The following LOXHD1 variants were observed in gnomAD, a reference collection of about 807,000 sequenced individuals.
The protein encoded by LOXHD1 is lipoxygenase homology domain-containing protein 1.
A neutral mutation model predicts 248.2 loss-of-function variants in LOXHD1; 205 were observed. The observed-to-expected ratio is 0.83, with a 90% confidence interval of 0.74 to 0.93. The LOEUF (loss-of-function observed/expected upper bound fraction) is 0.93. LOXHD1 is among the 40% of genes least tolerant of loss of function. LOXHD1 has a pLI of 0.00. For synonymous variants in LOXHD1, 1,113 were observed against 1,162.8 expected (o/e 0.96, Z 0.87); for missense variants, 2,930 against 2,971.6 (o/e 0.99, Z 0.33).
rs1196527877 is a variant in LOXHD1, at chr18:46,547,039, G to A, written c.3370C>T (p.Arg1124Cys). Reference sequence around the variant, plus strand: ...TCATCTTCCTCCACTGCCAGCCAACGTTGGCATGGAAAGTAGTACCTGTGG... The same window carrying A: ...TCATCTTCCTCCACTGCCAGCCAACATTGGCATGGAAAGTAGTACCTGTGG... Reference protein sequence around the residue: ...NEITYYFPCQRWLAVEEDDGQ... With the variant: ...NEITYYFPCQCWLAVEEDDGQ... Residue 1124 changes from arginine to cysteine, a missense_variant, in exon 22 of 41, where the codon CGT (arginine) becomes TGT (cysteine). Arg to Cys is a radical substitution (Grantham distance 180). Coordinates refer to ENST00000642948, the MANE Select transcript of LOXHD1 (RefSeq NM_001384474.1). 2.0e-5 allele frequency: 31 copies of A among 1,551,626 alleles called. No homozygotes were observed. Among genetic ancestry groups the A allele is most frequent in the East Asian group, 1.2e-4 (5 of 40,926 alleles).
chr18:46,531,303 CCT>C (rs2036056334), intron 28 of LOXHD1, among the ~76,000 whole-genome samples: 1 of 152,178 alleles, frequency 6.6e-6, no homozygotes, highest in Admixed American at 6.5e-5. Context: ...TAAAGAAAAT[CCT>C]CTCTTTATTG....
intron 34 of LOXHD1, among the ~76,000 whole-genome samples, chr18:46,510,994 T>C (rs1371854175): frequency 6.6e-6 from 1 of 152,256 alleles, no homozygotes; most frequent in Non-Finnish European, 1.5e-5. Flanking sequence ...ATTTTGCAGA[T>C]CAAAAGAGCT....
chr18:46,625,349 TA>T (rs1400939667), intron 4 of LOXHD1, among the ~76,000 whole-genome samples: 2 of 152,118 alleles, frequency 1.3e-5, no homozygotes, highest in African/African-American at 4.8e-5. Context: ...ACTTGGTCCT[TA>T]AAAGTTGCTC....
chr18:46,560,048 T>TGGCGGCCCCC, intron 19 of LOXHD1, 35 bp downstream of exon 19: 5 of 1,226,296 alleles, frequency 4.1e-6, no homozygotes, highest in Non-Finnish European at 5.6e-6. Context: ...GTCTGGCCAC[T>TGGCGGCCCCC]CCCTCCCCAC....
chr18:46,578,985 C>T (rs1456911095), intron 13 of LOXHD1, among the ~76,000 whole-genome samples: 1 of 152,256 alleles, frequency 6.6e-6, no homozygotes, highest in East Asian at 1.9e-4. Context: ...CCAGAACACC[C>T]ATGTGATGGC....
intron 4 of LOXHD1, among the ~76,000 whole-genome samples, chr18:46,638,936 A>G (rs1028233478): frequency 6.6e-6 from 1 of 152,150 alleles, no homozygotes; most frequent in African/African-American, 2.4e-5. Flanking sequence ...CCATGACTCT[A>G]TGAGAGCAGG....
At position 46,541,934 on chromosome 18, in the gene LOXHD1, G is replaced by T; in HGVS notation, c.3755C>A (p.Ala1252Asp). Reference protein sequence around the residue: ...VRLGHDNTGKAPGWFVDWVEV... With the variant: ...VRLGHDNTGKDPGWFVDWVEV... ...TACCCAGTCTACAAACCAGCCTGGG[G>T]CCTTGCCTAGAGAGAGAGGAGACAC... Residue 1252 changes from alanine to aspartate, a missense_variant, in exon 25 of 41, where the codon GCC becomes GAC. Ala to Asp is a moderately radical substitution (Grantham distance 126, BLOSUM62 -2). Coordinates refer to ENST00000642948, the MANE Select transcript of LOXHD1 (RefSeq NM_001384474.1). 6.4e-7 allele frequency: 1 copy of T among 1,551,080 alleles called. No individual in the cohort carries two copies. Among genetic ancestry groups the T allele is most frequent in the South Asian group, 1.2e-5 (1 of 84,002 alleles).
chr18:46,605,418 G>C (rs12963349), intron 6 of LOXHD1, among the ~76,000 whole-genome samples: 1 of 75,252 alleles, frequency 1.3e-5, no homozygotes, highest in Non-Finnish European at 3.1e-5. Flanking sequence ...TCTCAGCTAC[G>C]CAGGAGAATG....
At chr18:46,570,492 G>A (rs1333897466) in intron 15 of LOXHD1, among the ~76,000 whole-genome samples, 1 of 152,224 alleles carries the variant, frequency 6.6e-6, no homozygotes, top group African/African-American at 2.4e-5. Context: ...CTAGGGACCA[G>A]CCCTGGAGAA....
At chr18:46,586,294 T>G (rs934409303) in intron 12 of LOXHD1, among the ~76,000 whole-genome samples, 3 of 152,136 alleles carry the variant, frequency 2.0e-5, no homozygotes, top group African/African-American at 4.8e-5. Flanking sequence ...GTTTTCTTTT[T>G]GGGGGAGATG....
intron 29 of LOXHD1, 55 bp from the exon 30 acceptor site, chr18:46,524,972 C>T: frequency 6.5e-7 from 1 of 1,537,178 alleles, no homozygotes; most frequent in African/African-American, 1.4e-5. Flanking sequence ...ACTCAACCCA[C>T]TCCAGCCCCA....
At chr18:46,574,180 A>T (rs1215156039) in intron 14 of LOXHD1, among the ~76,000 whole-genome samples, 3 of 152,108 alleles carry the variant, frequency 2.0e-5, no homozygotes, top group African/African-American at 7.2e-5. Context: ...GGCCCTCCCC[A>T]GCAGCAAAAG....
At position 46,560,176 on chromosome 18, in the gene LOXHD1, G is replaced by A; in HGVS notation, c.2968C>T (p.His990Tyr). The A allele has an allele frequency of 3.9e-6, 6 of 1,551,438 alleles. No homozygotes were observed. The highest frequency in any genetic ancestry group is 4.4e-6 in the Non-Finnish European group (5 of 1,146,954). Residue 990 changes from histidine (H) to tyrosine (Y), a missense_variant, in exon 19 of 41, where the codon CAC becomes TAC. Physicochemically the swap from His to Tyr is moderately conservative, Grantham distance 83. Transcript: ENST00000642948. ...AGCCAGCGGTGGGCTTCGAACTTGT[G>A]CTGCTCAATCACCTCCTGCATCCCC... ...GPGMQEVIEQ[H>Y]KFEAHRWLAR... is the part of the protein sequence containing the mutation.
Position 46,529,190 on chromosome 18 carries a change from A to C in LOXHD1, c.4517T>G (p.Phe1506Cys), listed in dbSNP as rs2035953969. The C allele has an allele frequency of 6.4e-7, 1 of 1,551,212 alleles. No individual in the cohort carries two copies. Among genetic ancestry groups the C allele is most frequent in the South Asian group, 1.2e-5 (1 of 84,028 alleles). ...TGCCCCTCATACCGTTCCTCTCTCGAACTTGTTGGTCCGGTTCTCTGACTT... is the reference window on the plus strand; with the variant it reads ...TGCCCCTCATACCGTTCCTCTCTCGCACTTGTTGGTCCGGTTCTCTGACTT... ...LGKSENRTNK[F>C]ERGTADTFII... Residue 1506 changes from phenylalanine to cysteine, a missense_variant, in exon 29 of 41, where the codon TTC becomes TGC. Physicochemically the swap from Phe to Cys is radical, Grantham distance 205. Transcript: ENST00000642948.
chr18:46,559,472 C>A lies in LOXHD1; in HGVS notation c.3192G>T (p.Lys1064Asn). 1.9e-6 allele frequency: 3 copies of A among 1,552,088 alleles called. No homozygotes were observed. Among genetic ancestry groups the A allele is most frequent in the Non-Finnish European group, 2.6e-6 (3 of 1,147,072 alleles). Residue 1064 changes from lysine (K) to asparagine (N), a missense_variant, in exon 20 of 41, where the codon AAG becomes AAT. Lys to Asn is a moderately conservative substitution (Grantham distance 94). Coordinates refer to ENST00000642948, the MANE Select transcript of LOXHD1 (RefSeq NM_001384474.1). The part of the protein sequence containing the change: ...TGERPLKKSD[K>N]SNKFEQGQTD... ...CCTGCCCCTGCTCAAATTTGTTGGA[C>A]TTGTCTGACTTCTTCAGGGGTCGTT...
Position 46,559,591 on chromosome 18 carries a change from C to T in LOXHD1, c.3073G>A (p.Glu1025Lys). 1 of 1,551,788 alleles carries T rather than the reference C, an allele frequency of 6.4e-7. No homozygotes were observed. The highest frequency in any genetic ancestry group is 8.7e-7 in the Non-Finnish European group (1 of 1,146,992). ...ACATTCCCCGTGACCACCTGAACCT[C>T]ATAGGTGTTTCCTGTAGACACAGAA... ...GKPGPERNTYEVQVVTGNVPK... is the reference protein window; with the variant it reads ...GKPGPERNTYKVQVVTGNVPK... The change falls in exon 20 of 41, where the codon GAG (glutamate) becomes AAG (lysine). Residue 1025 changes from glutamate to lysine, a missense_variant. Glu to Lys is a moderately conservative substitution (Grantham distance 56, BLOSUM62 1). Coordinates refer to ENST00000642948, the MANE Select transcript of LOXHD1 (RefSeq NM_001384474.1).
rs755539887 is a variant in LOXHD1 at position 46,507,566 on chromosome 18, G to A, written c.5664C>T (p.Thr1888=). 5.0e-5 allele frequency: 77 copies of A among 1,551,618 alleles called. No homozygotes were observed. The highest frequency in any genetic ancestry group is 6.2e-5 in the Non-Finnish European group (71 of 1,147,000). The change falls in exon 36 of 41, where the codon ACC becomes ACT. Residue 1888 remains threonine (T), a synonymous_variant. Coordinates refer to ENST00000642948, the MANE Select transcript of LOXHD1 (RefSeq NM_001384474.1). ...EEEMMEWTSY[T]VAVKTSDILG... ...GGATGTCGCTGGTCTTAACTGCGAC[G>A]GTGTAGGAGGTCCACTCCATCATTT...
chr18:46,628,745 C>A (rs530347344), intron 4 of LOXHD1, among the ~76,000 whole-genome samples: 2 of 152,214 alleles, frequency 1.3e-5, no homozygotes, highest in South Asian at 4.1e-4. Flanking sequence ...ACAAGCACCA[C>A]GCTATTGTGT....
intron 4 of LOXHD1, among the ~76,000 whole-genome samples, chr18:46,625,292 G>T (rs924999796): frequency 6.6e-6 from 1 of 152,174 alleles, no homozygotes. Context: ...CACAGTCCGT[G>T]CATTTGACCT....
Sources: allele counts gnomAD v4.1 joint callset (sites outside exome capture counted in the v4.1 genomes callset), GRCh38; gene constraint gnomAD v4.1.1; transcripts MANE v1.5; gene names NCBI Gene and HGNC (gene_info 2026-07-23, HGNC 2026-07-21).